CAMK1D: variants seen among roughly 807,000 people sequenced by gnomAD.
CAMK1D encodes calcium/calmodulin dependent protein kinase ID.
CAMK1D carries 9 observed loss-of-function variants against 47.7 expected under a neutral mutation model. That is an observed-to-expected ratio of 0.19 (90% CI 0.11 to 0.33). The LOEUF is 0.33. Ranked by LOEUF, CAMK1D falls within the 10% of genes least tolerant of loss-of-function variation. CAMK1D has a pLI of 1.00. For synonymous variants in CAMK1D, 184 were observed against 184.9 expected, an observed-to-expected ratio of 0.99 and a Z score of 0.04; for missense variants, 291 against 488.7, an observed-to-expected ratio of 0.60 and a Z score of 3.81.
At chr10:12,500,784 G>A (rs1036781475) in intron 1 of CAMK1D, among the ~76,000 whole-genome samples, 1 of 152,204 alleles carries the variant, frequency 6.6e-6, no homozygotes, top group Non-Finnish European at 1.5e-5. Context: ...TAGCAGTGAA[G>A]TACACAGGTA....
At chr10:12,599,545 C>G (rs745582853) in intron 2 of CAMK1D, among the ~76,000 whole-genome samples, 2 of 152,212 alleles carry the variant, frequency 1.3e-5, no homozygotes, top group African/African-American at 4.8e-5. Context: ...GTCTTTGGCT[C>G]AGCAATGCAT....
rs547808041 is a variant in CAMK1D at position 12,428,532 on chromosome 10, A to G, written c.92+78622A>G. On this transcript the variant is annotated intron_variant, in intron 1 of 10. Coordinates refer to ENST00000619168, the MANE Select transcript of CAMK1D (RefSeq NM_153498.4). ...ACCTTCTCTTTTCTGGGTGGATCTGATAGCTTTCCCGTGGGGTTCTGCCTT... is the reference window on the plus strand; with the variant it reads ...ACCTTCTCTTTTCTGGGTGGATCTGGTAGCTTTCCCGTGGGGTTCTGCCTT... Among the ~76,000 whole-genome samples the G allele has an allele frequency of 1.7e-4, 26 of 152,120 alleles. No individual in the cohort carries two copies. The South Asian group carries it at 5.2e-3, about 30-fold the overall frequency.
intron 2 of CAMK1D, among the ~76,000 whole-genome samples, chr10:12,568,158 T>C (rs1231479917): frequency 3.3e-5 from 2 of 60,068 alleles, no homozygotes; most frequent in Non-Finnish European, 3.0e-5. Context: ...CCCTGTTTCC[T>C]TCCCTCCCTC....
intron 3 of CAMK1D, among the ~76,000 whole-genome samples, chr10:12,696,089 CA>C (rs1833284664): frequency 1.3e-5 from 2 of 151,730 alleles, no homozygotes; most frequent in Admixed American, 1.3e-4. Flanking sequence ...AACTCCATCT[CA>C]AAAACAAAAT....
chr10:12,669,174 A>G (rs1017233136), intron 3 of CAMK1D, among the ~76,000 whole-genome samples: 3 of 152,224 alleles, frequency 2.0e-5, no homozygotes, highest in South Asian at 2.1e-4. Flanking sequence ...GGAGGTTGCA[A>G]TGAGCTGAGA....
intron 2 of CAMK1D, among the ~76,000 whole-genome samples, chr10:12,576,063 A>G (rs1485852173): frequency 1.3e-5 from 2 of 152,344 alleles, no homozygotes; most frequent in Non-Finnish European, 2.9e-5. Flanking sequence ...CTCACTTAAA[A>G]TACTCTCTTA....
intron 5 of CAMK1D, among the ~76,000 whole-genome samples, chr10:12,783,303 C>T (rs1438621500): frequency 6.6e-6 from 1 of 152,148 alleles, no homozygotes; most frequent in African/African-American, 2.4e-5. Flanking sequence ...TGGTGCTGGA[C>T]TGTTGGCTTT....
intron 1 of CAMK1D, among the ~76,000 whole-genome samples, chr10:12,464,829 AAAG>A (rs942953272): frequency 2.6e-5 from 4 of 151,974 alleles, no homozygotes; most frequent in Non-Finnish European, 4.4e-5. Context: ...AAAAAAAAAA[AAAG>A]AGTGATCAAA....
chr10:12,510,826 T>C lies in CAMK1D; in HGVS notation c.93-42399T>C, dbSNP rs550793832. On this transcript the variant is annotated intron_variant, in intron 1 of 10. Transcript: ENST00000619168. ...CTGTAGGGAAGACAGTGCCAATGCA[T>C]GCAAATGAATGCAGATCGACAAGCC... Among the ~76,000 whole-genome samples, 10 of 152,360 alleles carry C rather than the reference T, an allele frequency of 6.6e-5. No homozygotes were observed. In the East Asian group the frequency reaches 1.2e-3, roughly 18 times the overall value.
At chr10:12,709,366 GGCACCA>G (rs1201959345) in intron 3 of CAMK1D, among the ~76,000 whole-genome samples, 1 of 151,898 alleles carries the variant, frequency 6.6e-6, no homozygotes, top group Non-Finnish European at 1.5e-5. Flanking sequence ...GGCTGCAGAA[GGCACCA>G]GCTGTCCCCA....
At chr10:12,606,476 A>G (rs1230545495) in intron 2 of CAMK1D, among the ~76,000 whole-genome samples, 2 of 152,198 alleles carry the variant, frequency 1.3e-5, no homozygotes, top group Admixed American at 1.3e-4. Flanking sequence ...TGTAGGAACC[A>G]CGGACGGCCC....
chr10:12,708,529 T>C (rs1167934018), intron 3 of CAMK1D, among the ~76,000 whole-genome samples: 1 of 152,216 alleles, frequency 6.6e-6, no homozygotes, highest in Non-Finnish European at 1.5e-5. Flanking sequence ...ATTTTTTCAT[T>C]AAGCTCCATA....
intron 2 of CAMK1D, among the ~76,000 whole-genome samples, chr10:12,607,100 A>G (rs1838484565): frequency 6.6e-6 from 1 of 152,162 alleles, no homozygotes; most frequent in Non-Finnish European, 1.5e-5. Flanking sequence ...TGCTGGGATT[A>G]TAGCATGAGC....
chr10:12,561,023 C>T (rs543705663), intron 2 of CAMK1D, among the ~76,000 whole-genome samples: 23 of 152,136 alleles, frequency 1.5e-4, no homozygotes, highest in South Asian at 1.5e-3. Context: ...ACGCCATTCT[C>T]CTGCCTCAGC....
chr10:12,782,414 A>G (rs765611736), intron 5 of CAMK1D, among the ~76,000 whole-genome samples: 1 of 152,156 alleles, frequency 6.6e-6, no homozygotes, highest in Non-Finnish European at 1.5e-5. Flanking sequence ...CTCTACTGAA[A>G]TGTGTGTCTG....
rs1234392220 is a variant in CAMK1D at position 12,766,586 on chromosome 10, TAGAA to T, written c.439-3085_439-3082del. Among the ~76,000 whole-genome samples the T allele has an allele frequency of 1.9e-4, 29 of 151,998 alleles. No individual in the cohort carries two copies. The East Asian group carries it at 5.4e-3, about 28-fold the overall frequency. On this transcript the variant is annotated intron_variant, in intron 4 of 10. Transcript: ENST00000619168. ...CTTGATTTTTCAGGCTGTTCTTTGTTAGAAAAAAAAATAATAATTTATTGGGCTG... is the reference window on the plus strand; with the variant it reads ...CTTGATTTTTCAGGCTGTTCTTTGTTAAAAAAATAATAATTTATTGGGCTG...
rs73587015 is a variant in CAMK1D, at chr10:12,361,882, G to A, written c.92+11972G>A. On this transcript the variant is annotated intron_variant, in intron 1 of 10. Transcript: ENST00000619168. ...ATTTGACTGTTTTTTAAAAATTATA[G>A]TTAAACGCCTCCTCCAGCCATTGAA... Among the ~76,000 whole-genome samples the A allele has an allele frequency of 2.8e-3, 426 of 152,050 alleles. 1 individual carries two copies. Among genetic ancestry groups the A allele is most frequent in the African/African-American group, 0.01 (415 of 41,500 alleles).
At chr10:12,633,660 G>A (rs1003365891) in intron 2 of CAMK1D, among the ~76,000 whole-genome samples, 4 of 151,984 alleles carry the variant, frequency 2.6e-5, no homozygotes, top group African/African-American at 9.7e-5. Flanking sequence ...GGGCTCAAGC[G>A]ATCCACCCAC....
chr10:12,807,722 C>T (rs17583338), intron 6 of CAMK1D, among the ~76,000 whole-genome samples: 31,755 of 152,142 alleles, frequency 0.21, 3,918 homozygotes, highest in Admixed American at 0.3. Flanking sequence ...TTTGAGGCAT[C>T]CTGGCCTTCA....
Sources: gnomAD v4.1 joint callset for allele counts (sites outside exome capture counted in the v4.1 genomes callset) on GRCh38, gnomAD v4.1.1 for gene constraint, MANE v1.5 for transcripts, NCBI Gene and HGNC (gene_info 2026-07-23, HGNC 2026-07-21) for gene names.